The following ROBO1 variants were observed in gnomAD, a reference collection of about 807,000 sequenced individuals.
ROBO1 encodes roundabout guidance receptor 1.
Under a neutral mutation model 195.9 loss-of-function variants are expected in ROBO1, and 149 were observed. That is an observed-to-expected ratio of 0.76 (90% confidence interval 0.67 to 0.87). The LOEUF (loss-of-function observed/expected upper bound fraction) is 0.87. ROBO1 is among the 40% of genes least tolerant of loss of function. The pLI, the probability that ROBO1 is intolerant of heterozygous loss-of-function variation, is 0.00. For synonymous variants in ROBO1, 816 were observed against 733.2 expected (o/e 1.11, Z -1.82); for missense variants, 1,933 against 2,068.3 (o/e 0.93, Z 1.27).
At chr3:78,762,261 A>G (rs2083124370) in intron 4 of ROBO1, among the ~76,000 whole-genome samples, 2 of 152,100 alleles carry the variant, frequency 1.3e-5, no homozygotes. Context: ...GCTTACAGAC[A>G]TCATGGAGTA....
chr3:78,874,929 C>T (rs1254727772), intron 4 of ROBO1, among the ~76,000 whole-genome samples: 1 of 151,888 alleles, frequency 6.6e-6, no homozygotes, highest in East Asian at 1.9e-4. Context: ...TCAAATTCAA[C>T]ACCCATCTGT....
Position 78,922,119 on chromosome 3 carries a change from T to C in ROBO1, c.499+16482A>G, listed in dbSNP as rs139466255. ...ATACAAAAGATAAACTAGGTTTACA[T>C]GGTATTGAAGGCATGTACAGGCAGT... On this transcript the variant is annotated intron_variant, in intron 4 of 30. Transcript: ENST00000464233. 4.9e-3 allele frequency among the ~76,000 whole-genome samples: 743 copies of C among 152,230 alleles called. 19 individuals are homozygous for C. The highest frequency in any genetic ancestry group is 0.044 in the Admixed American group (670 of 15,274).
At chr3:78,849,028 G>T (rs1287392475) in intron 4 of ROBO1, among the ~76,000 whole-genome samples, 1 of 152,108 alleles carries the variant, frequency 6.6e-6, no homozygotes, top group Non-Finnish European at 1.5e-5. Flanking sequence ...TGGATGGGGG[G>T]CATGAAAGGA....
Position 78,659,786 on chromosome 3 carries a change from C to G in ROBO1, c.2342G>C (p.Gly781Ala), listed in dbSNP as rs760588698. 1 of 1,604,674 alleles carries G rather than the reference C, an allele frequency of 6.2e-7. No individual in the cohort carries two copies. Among genetic ancestry groups the G allele is most frequent in the Non-Finnish European group, 8.5e-7 (1 of 1,175,182 alleles). Reference sequence around the variant, plus strand: ...TCCATCATTCTTGGATACAGTTACACCTTGGGGTGGGGCACTGGGTGCTAT... The same window carrying G: ...TCCATCATTCTTGGATACAGTTACAGCTTGGGGTGGGGCACTGGGTGCTAT... ...LEEAPSAPPQ[G>A]VTVSKNDGNG... The change falls in exon 17 of 31, where the codon GGT becomes GCT. Residue 781 changes from glycine (G) to alanine (A), a missense_variant. Gly to Ala is a moderately conservative substitution (Grantham distance 60). Coordinates refer to ENST00000464233, the MANE Select transcript of ROBO1 (RefSeq NM_002941.4).
chr3:78,909,267 A>T (rs2107526227), intron 4 of ROBO1, among the ~76,000 whole-genome samples: 1 of 152,024 alleles, frequency 6.6e-6, no homozygotes, highest in African/African-American at 2.4e-5. Context: ...TTCACATTAA[A>T]TTTAAAATTG....
chr3:79,455,751 C>A (rs2039599020), intron 2 of ROBO1, among the ~76,000 whole-genome samples: 1 of 152,074 alleles, frequency 6.6e-6, no homozygotes, highest in Admixed American at 6.6e-5. Context: ...CTATACTGCA[C>A]TTTTCTGCCA....
In ROBO1 at chr3:78,926,509, G is replaced by A. The variant is rs2039229229; in HGVS notation, c.499+12092C>T. 1.3e-5 allele frequency among the ~76,000 whole-genome samples: 2 copies of A among 152,134 alleles called. 1 individual carries two copies. Among genetic ancestry groups the A allele is most frequent in the Admixed American group, 1.3e-4 (2 of 15,266 alleles). On this transcript the variant is annotated intron_variant, in intron 4 of 30. Transcript: ENST00000464233. ...ATCAATCGCAGGTTTCTGGTCTGGA[G>A]GGTTGGATGGATAATGGCATCATTA...
chr3:79,435,177 C>T (rs1379962461), intron 2 of ROBO1, among the ~76,000 whole-genome samples: 6 of 152,024 alleles, frequency 3.9e-5, no homozygotes, highest in African/African-American at 9.7e-5. Flanking sequence ...CAAACCTGCA[C>T]GTTGTGCACA....
chr3:78,876,543 G>A (rs2035859905), intron 4 of ROBO1, among the ~76,000 whole-genome samples: 1 of 152,154 alleles, frequency 6.6e-6, no homozygotes, highest in Non-Finnish European at 1.5e-5. Context: ...TACAACTGAT[G>A]ATTGTTAGAA....
In ROBO1 at chr3:79,440,520, G is replaced by A. The variant is rs190168804; in HGVS notation, c.88+149304C>T. ...TCTTACTTTAATCCCTGATCTATTC[G>A]CCTTCTGTAGCTGTCCCCTGCAAGA... On this transcript the variant is annotated intron_variant, in intron 2 of 30. Coordinates refer to ENST00000464233, the MANE Select transcript of ROBO1 (RefSeq NM_002941.4). Among the ~76,000 whole-genome samples the A allele has an allele frequency of 3.2e-4, 49 of 152,048 alleles. No homozygotes were observed. The East Asian group carries it at 8.5e-3, about 26-fold the overall frequency.
chr3:79,713,517 T>C (rs528334064), intron 1 of ROBO1, among the ~76,000 whole-genome samples: 1 of 152,222 alleles, frequency 6.6e-6, no homozygotes, highest in Admixed American at 6.5e-5. Flanking sequence ...TTGGAGGTAG[T>C]AACTGCAGAT....
intron 2 of ROBO1, among the ~76,000 whole-genome samples, chr3:79,174,900 GT>G (rs374376377): frequency 2.9e-4 from 43 of 150,472 alleles, no homozygotes; most frequent in African/African-American, 9.8e-4. Context: ...AAAATCCTAA[GT>G]TTTATGCAGA....
At chr3:78,787,920 C>A (rs908394712) in intron 4 of ROBO1, among the ~76,000 whole-genome samples, 1 of 143,210 alleles carries the variant, frequency 7.0e-6, no homozygotes. Flanking sequence ...GAGTTAGACC[C>A]CTTCTCTTTT....
At chr3:78,662,308 A>C (rs907263808) in intron 14 of ROBO1, among the ~76,000 whole-genome samples, 194 bp from the exon 15 acceptor site, 1 of 152,010 alleles carries the variant, frequency 6.6e-6, no homozygotes, top group East Asian at 1.9e-4. Flanking sequence ...GAGGGGATAG[A>C]GAGAGTAGAG....
At chr3:79,341,086 G>C (rs1576997435) in intron 2 of ROBO1, among the ~76,000 whole-genome samples, 1 of 152,206 alleles carries the variant, frequency 6.6e-6, no homozygotes, top group Non-Finnish European at 1.5e-5. Context: ...AGGTGGGTAA[G>C]TCCAAGTATT....
In ROBO1 at chr3:78,635,906, C is replaced by T. The variant is rs746891211; in HGVS notation, c.3240G>A (p.Gln1080=). ...TGTTCATGTTGTTGCTGAGGTTTGA[C>T]TGGATGAGCTGAGTGGTGGCGTAAG... ...PTPYATTQLI[Q]SNLSNNMNNG... Residue 1080 remains glutamine (Q), a synonymous_variant, in exon 23 of 31, where the codon CAG becomes CAA. Coordinates refer to ENST00000464233, the MANE Select transcript of ROBO1 (RefSeq NM_002941.4). 2.5e-6 allele frequency: 4 copies of T among 1,613,886 alleles called. No homozygotes were observed. The highest frequency in any genetic ancestry group is 1.7e-5 in the Admixed American group (1 of 59,994).
intron 2 of ROBO1, among the ~76,000 whole-genome samples, chr3:79,572,517 T>C (rs1445742761): frequency 3.3e-5 from 5 of 152,132 alleles, no homozygotes; most frequent in Non-Finnish European, 4.4e-5. Flanking sequence ...TGTCCATTTA[T>C]AAAATTTTAG....
At chr3:79,687,657 A>C (rs1947166397) in intron 1 of ROBO1, among the ~76,000 whole-genome samples, 1 of 152,214 alleles carries the variant, frequency 6.6e-6, no homozygotes, top group Admixed American at 6.5e-5. Flanking sequence ...ATGCAAATCA[A>C]AACCACAATG....
At chr3:78,655,189 A>G (rs1302351509) in intron 18 of ROBO1, among the ~76,000 whole-genome samples, 1 of 152,146 alleles carries the variant, frequency 6.6e-6, no homozygotes, top group African/African-American at 2.4e-5. Context: ...TAAGTTCTTT[A>G]GTGGTAACAT....
Sources: gnomAD v4.1 joint callset for allele counts (sites outside exome capture counted in the v4.1 genomes callset) on GRCh38, gnomAD v4.1.1 for gene constraint, MANE v1.5 for transcripts, NCBI Gene and HGNC (gene_info 2026-07-23, HGNC 2026-07-21) for gene names.